Variants in HCN1 observed in about 807,000 individuals in gnomAD.
The protein encoded by HCN1 is hyperpolarization activated cyclic nucleotide gated potassium channel 1.
In HCN1, 13 loss-of-function variants were observed where a neutral mutation model predicts 78.9. The ratio of observed to expected loss-of-function variants is 0.16; its 90% CI spans 0.11 to 0.26. The LOEUF (loss-of-function observed/expected upper bound fraction) is 0.26. Among genes scored for constraint, HCN1 ranks in the 10% least tolerant of loss-of-function variants. HCN1 has a pLI of 1.00. For missense variants in HCN1, 810 were observed against 1,154.3 expected, an observed-to-expected ratio of 0.70 and a Z score of 4.32; for synonymous variants, 552 against 455.5, an observed-to-expected ratio of 1.21 and a Z score of -2.70.
In HCN1 at chr5:45,670,404, C is replaced by T. The variant is rs1000769715; in HGVS notation, c.426-24796G>A. 3.3e-5 allele frequency among the ~76,000 whole-genome samples: 5 copies of T among 151,606 alleles called. No individual in the cohort carries two copies. The Admixed American group carries it at 3.3e-4, about 10-fold the overall frequency. On this transcript the variant is annotated intron_variant, in intron 1 of 7. Transcript: ENST00000303230. ...AGAATTTTAATTCCAACTTCTGGCC[C>T]TATGCTTCTTTAAAATATTGCTACC... is the stretch of plus-strand genomic sequence containing the variant.
intron 2 of HCN1, among the ~76,000 whole-genome samples, chr5:45,475,335 GAC>G (rs549665242): frequency 1.1e-3 from 163 of 152,036 alleles, no homozygotes; most frequent in Non-Finnish European, 1.8e-3. Flanking sequence ...TTTTTATTAT[GAC>G]ACAGACTATT....
rs561530775 is a variant in HCN1, at chr5:45,548,658, A to G, written c.850-86651T>C. Among the ~76,000 whole-genome samples, 352 of 152,066 alleles carry G rather than the reference A, an allele frequency of 2.3e-3. 4 individuals are homozygous for G. The highest frequency in any genetic ancestry group is 0.017 in the Admixed American group (264 of 15,214). ...AAGTTCTGGCCAGGGCTATCAGGCAAGAGAAGGAAATAAAGGGTATTCAAC... is the reference window on the plus strand; with the variant it reads ...AAGTTCTGGCCAGGGCTATCAGGCAGGAGAAGGAAATAAAGGGTATTCAAC... On this transcript the variant is annotated intron_variant, in intron 2 of 7. Coordinates refer to ENST00000303230, the MANE Select transcript of HCN1 (RefSeq NM_021072.4).
intron 2 of HCN1, among the ~76,000 whole-genome samples, chr5:45,601,259 A>G (rs2044972744): frequency 6.6e-6 from 1 of 152,142 alleles, no homozygotes; most frequent in African/African-American, 2.4e-5. Flanking sequence ...AAAAAAATCT[A>G]ATGAAGTGTT....
At chr5:45,342,429 G>A (rs943442093) in intron 5 of HCN1, among the ~76,000 whole-genome samples, 5 of 150,728 alleles carry the variant, frequency 3.3e-5, no homozygotes, top group African/African-American at 4.9e-5. Flanking sequence ...ATTAGAGATG[G>A]AGTTTGCCAT....
chr5:45,579,075 C>T (rs1380272866), intron 2 of HCN1, among the ~76,000 whole-genome samples: 1 of 151,968 alleles, frequency 6.6e-6, no homozygotes. Context: ...TTTGTATTAA[C>T]ATATAAGTAT....
intron 2 of HCN1, among the ~76,000 whole-genome samples, chr5:45,538,599 C>T (rs1743020437): frequency 1.3e-5 from 2 of 152,142 alleles, no homozygotes; most frequent in African/African-American, 4.8e-5. Context: ...GATAAAAAGG[C>T]TTGGTCTGAG....
intron 1 of HCN1, among the ~76,000 whole-genome samples, chr5:45,648,155 A>G (rs1457346151): frequency 6.6e-6 from 1 of 152,074 alleles, no homozygotes; most frequent in Admixed American, 6.6e-5. Flanking sequence ...ACCCTTCCTC[A>G]CTTACCACAA....
chr5:45,625,622 T>A (rs1207289712), intron 2 of HCN1, among the ~76,000 whole-genome samples: 2 of 151,052 alleles, frequency 1.3e-5, no homozygotes, highest in African/African-American at 2.4e-5. Flanking sequence ...GAGAAAACTT[T>A]AAAAAAAAGA....
intron 1 of HCN1, among the ~76,000 whole-genome samples, chr5:45,683,128 A>AT (rs869189631): frequency 3.6e-5 from 5 of 137,578 alleles, no homozygotes; most frequent in Non-Finnish European, 4.8e-5. Context: ...TTATAAATTA[A>AT]TTTTTTTATT....
At chr5:45,465,802 T>C (rs1049005110) in intron 2 of HCN1, among the ~76,000 whole-genome samples, 3 of 152,246 alleles carry the variant, frequency 2.0e-5, no homozygotes, top group Admixed American at 2.0e-4. Flanking sequence ...TTTCACCATA[T>C]CTAGACTACA....
chr5:45,672,813 CT>C (rs1049668112), intron 1 of HCN1, among the ~76,000 whole-genome samples: 9 of 150,254 alleles, frequency 6.0e-5, no homozygotes, highest in Admixed American at 6.7e-5. Flanking sequence ...GTTGTTTTAT[CT>C]TTTTTTTTAA....
intron 5 of HCN1, among the ~76,000 whole-genome samples, chr5:45,317,898 T>C (rs1561103612): frequency 6.6e-6 from 1 of 152,074 alleles, no homozygotes; most frequent in Non-Finnish European, 1.5e-5. Context: ...TGGCGATCAT[T>C]AAAAAGTCAG....
At chr5:45,459,016 T>C (rs1489844030) in intron 3 of HCN1, among the ~76,000 whole-genome samples, 1 of 152,078 alleles carries the variant, frequency 6.6e-6, no homozygotes, top group Non-Finnish European at 1.5e-5. Flanking sequence ...AATGGAAAAA[T>C]AGTATCTTCA....
chr5:45,570,215 GCTTT>G (rs2111900331), intron 2 of HCN1, among the ~76,000 whole-genome samples: 1 of 150,420 alleles, frequency 6.6e-6, no homozygotes, highest in South Asian at 2.1e-4. Flanking sequence ...TTCCTCTCTC[GCTTT>G]CTTTTTCTAT....
intron 2 of HCN1, among the ~76,000 whole-genome samples, chr5:45,630,375 C>CT: frequency 6.6e-6 from 1 of 152,254 alleles, no homozygotes; most frequent in Non-Finnish European, 1.5e-5. Flanking sequence ...AATTTCTTCA[C>CT]TTTTTTATGG....
At chr5:45,569,319 C>G (rs963536144) in intron 2 of HCN1, among the ~76,000 whole-genome samples, 6 of 152,034 alleles carry the variant, frequency 3.9e-5, no homozygotes, top group African/African-American at 1.2e-4. Context: ...TGTCCATGAA[C>G]CTTGTTGTAG....
chr5:45,340,216 C>T lies in HCN1; in HGVS notation c.1377+12884G>A, dbSNP rs73099467. On this transcript the variant is annotated intron_variant, in intron 5 of 7. Coordinates refer to ENST00000303230, the MANE Select transcript of HCN1 (RefSeq NM_021072.4). ...GATTACAGGCATGAGCCACCATGTC[C>T]GGCTGGGAAGAATAGTTAATAAAAC... 5.5e-3 allele frequency among the ~76,000 whole-genome samples: 830 copies of T among 152,228 alleles called. 7 individuals are homozygous for T. The highest frequency in any genetic ancestry group is 0.018 in the African/African-American group (743 of 41,548).
intron 5 of HCN1, among the ~76,000 whole-genome samples, chr5:45,308,187 T>A (rs1225135841): frequency 1.3e-5 from 2 of 152,084 alleles, no homozygotes; most frequent in Non-Finnish European, 2.9e-5. Flanking sequence ...CAGGCTCCCC[T>A]TCCCCTTCCA....
intron 3 of HCN1, among the ~76,000 whole-genome samples, chr5:45,434,792 G>A (rs1740531551): frequency 6.6e-6 from 1 of 152,052 alleles, no homozygotes; most frequent in Non-Finnish European, 1.5e-5. Flanking sequence ...AAGGAGTATG[G>A]CATCATTGGG....
Sources: gnomAD v4.1 joint callset for allele counts (sites outside exome capture counted in the v4.1 genomes callset) on GRCh38, gnomAD v4.1.1 for gene constraint, MANE v1.5 for transcripts, NCBI Gene and HGNC (gene_info 2026-07-23, HGNC 2026-07-21) for gene names.